Variants in SLAIN2 observed in about 807,000 individuals in gnomAD.
SLAIN2 encodes the protein SLAIN motif-containing protein 2.
SLAIN2 carries 31 observed loss-of-function variants against 56.6 expected under a neutral mutation model. The ratio of observed to expected loss-of-function variants is 0.55; its 90% confidence interval spans 0.41 to 0.74. SLAIN2 has a LOEUF of 0.74. Ranked by LOEUF, SLAIN2 falls within the 30% of genes least tolerant of loss-of-function variation. The probability of loss-of-function intolerance (pLI) is 0.00; values close to 1 mark genes in which losing one functional copy is unlikely to be tolerated. For missense variants in SLAIN2, 777 were observed against 754.2 expected (o/e 1.03, Z -0.35); for synonymous variants, 317 against 284.9 (o/e 1.11, Z -1.13).
intron 1 of SLAIN2, among the ~76,000 whole-genome samples, chr4:48,364,105 C>T (rs1715438667): frequency 1.4e-5 from 1 of 69,054 alleles, no homozygotes; most frequent in Non-Finnish European, 3.3e-5. Flanking sequence ...CGGAGGGGCT[C>T]CTCACTTCTC....
intron 7 of SLAIN2, among the ~76,000 whole-genome samples, 162 bp from the exon 8 acceptor site, chr4:48,421,849 G>C (rs1290919030): frequency 3.9e-5 from 6 of 151,904 alleles, no homozygotes; most frequent in African/African-American, 1.5e-4. Context: ...AATGCAGAGT[G>C]TGGGGAGGTT....
rs563860784 is a variant in SLAIN2 at position 48,377,954 on chromosome 4, T to G, written c.597T>G (p.Pro199=). Residue 199 remains proline, a synonymous_variant, in exon 3 of 8, where the codon CCT becomes CCG. Transcript: ENST00000264313. ...NPFNSMSYTS[P]YSPNASSPYS... is the part of the protein sequence containing the mutation. ...TCAACTCTATGAGTTACACCAGTCC[T>G]TACAGTCCAAATGCCAGTAGCCCAT... 6.2e-7 allele frequency: 1 copy of G among 1,613,946 alleles called. No individual in the cohort carries two copies. The highest frequency in any genetic ancestry group is 1.3e-5 in the African/African-American group (1 of 75,046).
intron 6 of SLAIN2, among the ~76,000 whole-genome samples, chr4:48,384,465 CCTA>C (rs1716051084): frequency 6.6e-6 from 1 of 152,086 alleles, no homozygotes; most frequent in Non-Finnish European, 1.5e-5. Flanking sequence ...TAGTCCTAAT[CCTA>C]CTTATAGATT....
chr4:48,377,717 A>G (rs904697634), intron 2 of SLAIN2, among the ~76,000 whole-genome samples, 179 bp from the exon 3 acceptor site: 3 of 152,118 alleles, frequency 2.0e-5, no homozygotes, highest in Non-Finnish European at 1.5e-5. Flanking sequence ...TTGCATACAC[A>G]GTTTAAGATA....
chr4:48,420,570 G>T lies in SLAIN2; in HGVS notation c.1679+127G>T, dbSNP rs114640277. 3.7e-3 allele frequency: 3,869 copies of T among 1,046,688 alleles called. 80 individuals are homozygous for T. The African/African-American group carries it at 0.053, about 14-fold the overall frequency. The allele number at this position is 1,046,688 out of a possible 1,614,324, so 64.8% of individuals were successfully genotyped here. A position where few individuals can be genotyped will look rare whatever the true frequency, so the allele number is the denominator to read the frequency against. ...ATGGTGGATTCCCACCAGAGTTTTAGTACCATTTGAATAAAACTTTACTAC... is the reference window on the plus strand; with the variant it reads ...ATGGTGGATTCCCACCAGAGTTTTATTACCATTTGAATAAAACTTTACTAC... On this transcript the variant is annotated intron_variant, in intron 7 of 7. Transcript: ENST00000264313.
At chr4:48,368,537 T>A (rs368653100) in intron 1 of SLAIN2, among the ~76,000 whole-genome samples, 6 of 152,308 alleles carry the variant, frequency 3.9e-5, no homozygotes, top group Admixed American at 6.5e-5. Context: ...TATTCATCTA[T>A]AGAGGTTTAC....
intron 1 of SLAIN2, among the ~76,000 whole-genome samples, chr4:48,345,945 C>G (rs956956906): frequency 6.6e-6 from 1 of 151,802 alleles, no homozygotes; most frequent in African/African-American, 2.4e-5. Flanking sequence ...ATTGCTAGTT[C>G]TATCTATTAT....
At chr4:48,412,966 C>G (rs1400579020) in intron 6 of SLAIN2, among the ~76,000 whole-genome samples, 1 of 152,026 alleles carries the variant, frequency 6.6e-6, no homozygotes, top group Non-Finnish European at 1.5e-5. Context: ...GGTGGCTCAC[C>G]TATAATCGCA....
intron 6 of SLAIN2, among the ~76,000 whole-genome samples, chr4:48,404,178 C>T (rs1461860689): frequency 5.3e-5 from 8 of 152,214 alleles, no homozygotes; most frequent in Non-Finnish European, 1.0e-4. Flanking sequence ...TCTTTTCATT[C>T]CTCTCTGTGA....
chr4:48,410,733 C>T (rs1444480117), intron 6 of SLAIN2, among the ~76,000 whole-genome samples: 1 of 152,136 alleles, frequency 6.6e-6, no homozygotes, highest in Non-Finnish European at 1.5e-5. Flanking sequence ...GGATGTAAAC[C>T]TGGAACTCAA....
chr4:48,341,706 G>C lies in SLAIN2; in HGVS notation c.-34G>C, dbSNP rs771178016. 23 of 1,521,834 alleles carry C rather than the reference G, an allele frequency of 1.5e-5. No homozygotes were observed. The highest frequency in any genetic ancestry group is 4.9e-5 in the South Asian group (4 of 80,954). The allele number at this position is 1,521,834 out of a possible 1,614,324, so 94.3% of individuals were successfully genotyped here. A position where few individuals can be genotyped will look rare whatever the true frequency, so the allele number is the denominator to read the frequency against. On this transcript the variant is annotated 5_prime_UTR_variant, in exon 1 of 8. Coordinates refer to ENST00000264313, the MANE Select transcript of SLAIN2 (RefSeq NM_020846.2). ...TTTCCCTGTCGCTGCGAGAGCGAGC[G>C]GGCGGCGGAGGCGGCGGCGGCGGCG...
At chr4:48,377,336 ATTTTT>A (rs34493417) in intron 2 of SLAIN2, among the ~76,000 whole-genome samples, 1 of 117,498 alleles carries the variant, frequency 8.5e-6, no homozygotes, top group Non-Finnish European at 1.7e-5. Context: ...TGCCTGGCTA[ATTTTT>A]TTTTTTTTTT....
At chr4:48,383,249 A>AT (rs1232513938) in intron 5 of SLAIN2, among the ~76,000 whole-genome samples, 2 of 151,906 alleles carry the variant, frequency 1.3e-5, no homozygotes, top group African/African-American at 4.8e-5. Context: ...AAGTAATACA[A>AT]TTTTTGCTAA....
chr4:48,353,051 C>T (rs1479778706), intron 1 of SLAIN2, among the ~76,000 whole-genome samples: 5 of 152,168 alleles, frequency 3.3e-5, no homozygotes, highest in African/African-American at 9.7e-5. Flanking sequence ...GCTTGCCTTC[C>T]ACCATGATTG....
At chr4:48,403,843 T>A (rs1469080962) in intron 6 of SLAIN2, among the ~76,000 whole-genome samples, 1 of 152,212 alleles carries the variant, frequency 6.6e-6, no homozygotes, top group African/African-American at 2.4e-5. Context: ...GTGGCCATTC[T>A]GCGGAGACGC....
intron 4 of SLAIN2, among the ~76,000 whole-genome samples, chr4:48,382,300 T>C (rs1715990364): frequency 1.3e-5 from 2 of 152,136 alleles, no homozygotes; most frequent in Non-Finnish European, 2.9e-5. Context: ...GATTCTACCA[T>C]GTGAGACAGA....
At chr4:48,406,119 C>T (rs1716688048) in intron 6 of SLAIN2, among the ~76,000 whole-genome samples, 1 of 152,128 alleles carries the variant, frequency 6.6e-6, no homozygotes, top group African/African-American at 2.4e-5. Context: ...TGGTCTTGTA[C>T]ATTTCTTGCC....
At chr4:48,348,660 A>G (rs921069091) in intron 1 of SLAIN2, among the ~76,000 whole-genome samples, 4 of 149,336 alleles carry the variant, frequency 2.7e-5, no homozygotes, top group African/African-American at 9.9e-5. Context: ...ATTATACTCC[A>G]GCCTGGGCGA....
intron 1 of SLAIN2, among the ~76,000 whole-genome samples, chr4:48,360,975 T>C (rs1715312198): frequency 6.6e-6 from 1 of 152,208 alleles, no homozygotes. Context: ...AAATTATAAA[T>C]ACCAACTCAA....
Sources: allele counts gnomAD v4.1 joint callset (sites outside exome capture counted in the v4.1 genomes callset), GRCh38; gene constraint gnomAD v4.1.1; transcripts MANE v1.5; gene names NCBI Gene and HGNC (gene_info 2026-07-23, HGNC 2026-07-21).